The following CRTAM variants were observed in gnomAD, a reference collection of about 807,000 sequenced individuals.
CRTAM encodes the protein cytotoxic and regulatory T-cell molecule.
A neutral mutation model predicts 50.0 loss-of-function variants in CRTAM; 44 were observed. The observed-to-expected ratio is 0.88, with a 90% CI of 0.69 to 1.13. The LOEUF (loss-of-function observed/expected upper bound fraction) is 1.13, where lower values mean the gene tolerates loss of function less well. Ranked by LOEUF, CRTAM falls within the 50% of genes most tolerant of loss-of-function variation. CRTAM has a pLI of 0.00. For synonymous variants in CRTAM, 159 were observed against 169.3 expected, an observed-to-expected ratio of 0.94 and a Z score of 0.47; for missense variants, 448 against 457.5, an observed-to-expected ratio of 0.98 and a Z score of 0.19.
Position 122,861,386 on chromosome 11 carries a change from GTATATATATATATATATATATA to G in CRTAM, c.653-1064_653-1043del, listed in dbSNP as rs71057304. On this transcript the variant is annotated intron_variant, in intron 5 of 9. Coordinates refer to ENST00000227348, the MANE Select transcript of CRTAM (RefSeq NM_019604.4). ...TACACACACACACACATACATATAC[GTATATATATATATATATATATA>G]TATATATATATATTTTTTTTTTTTT... 2.4e-4 allele frequency among the ~76,000 whole-genome samples: 10 copies of G among 41,822 alleles called. No individual in the cohort carries two copies. The East Asian group carries it at 5.1e-3, about 21-fold the overall frequency. 27.4% of individuals were successfully genotyped at this position (41,822 alleles called of 152,430 possible). A position where few individuals can be genotyped will look rare whatever the true frequency, so the allele number is the denominator to read the frequency against.
chr11:122,853,674 T>A (rs973073882), intron 3 of CRTAM, among the ~76,000 whole-genome samples: 5 of 151,590 alleles, frequency 3.3e-5, no homozygotes, highest in African/African-American at 9.7e-5. Flanking sequence ...AAAAATTAGC[T>A]GGGTGTGATG....
At chr11:122,858,475 C>T (rs952231365) in intron 5 of CRTAM, among the ~76,000 whole-genome samples, 1 of 152,174 alleles carries the variant, frequency 6.6e-6, no homozygotes, top group Non-Finnish European at 1.5e-5. Flanking sequence ...ATCCCTCAAC[C>T]TCTGCCTGCC....
chr11:122,867,031 A>T (rs1862185024), intron 7 of CRTAM, among the ~76,000 whole-genome samples: 1 of 152,172 alleles, frequency 6.6e-6, no homozygotes, highest in African/African-American at 2.4e-5. Flanking sequence ...CTCCTTAACA[A>T]TCCCTCTTGC....
At chr11:122,871,215 TG>T (rs1218493070) in intron 9 of CRTAM, 53 bp from the exon 10 acceptor site, 4 of 1,498,992 alleles carry the variant, frequency 2.7e-6, no homozygotes, top group Non-Finnish European at 3.6e-6. Context: ...TTCAAGTAAA[TG>T]GGTGCAATGT....
At chr11:122,847,356 G>A (rs1861878555) in intron 1 of CRTAM, among the ~76,000 whole-genome samples, 1 of 152,020 alleles carries the variant, frequency 6.6e-6, no homozygotes, top group African/African-American at 2.4e-5. Flanking sequence ...AAAGCCTAGG[G>A]GTCTATTGAC....
chr11:122,858,825 G>A (rs1406611710), intron 5 of CRTAM, among the ~76,000 whole-genome samples: 3 of 152,122 alleles, frequency 2.0e-5, no homozygotes, highest in African/African-American at 7.2e-5. Context: ...ACTGCACCTG[G>A]TTTATTTCAT....
At chr11:122,845,552 C>A (rs1318369725) in intron 1 of CRTAM, among the ~76,000 whole-genome samples, 2 of 151,954 alleles carry the variant, frequency 1.3e-5, no homozygotes, top group East Asian at 3.9e-4. Context: ...ACTAAAAATA[C>A]AAAAATTAGT....
intron 5 of CRTAM, among the ~76,000 whole-genome samples, chr11:122,857,012 G>A (rs1862015835): frequency 6.6e-6 from 1 of 151,932 alleles, no homozygotes; most frequent in African/African-American, 2.4e-5. Flanking sequence ...AGACATTCAG[G>A]TTCTTCAATA....
chr11:122,866,145 A>T (rs2140151), intron 7 of CRTAM, among the ~76,000 whole-genome samples: 1 of 151,946 alleles, frequency 6.6e-6, no homozygotes. Context: ...CTACTTCTGC[A>T]GTCTCATATC....
At chr11:122,849,145 G>A (rs189914350) in intron 1 of CRTAM, among the ~76,000 whole-genome samples, 3 of 152,244 alleles carry the variant, frequency 2.0e-5, no homozygotes, top group Admixed American at 2.0e-4. Context: ...TTGCCCTGAA[G>A]GGTAACTCCG....
intron 1 of CRTAM, among the ~76,000 whole-genome samples, chr11:122,838,924 A>T (rs1861765303): frequency 6.9e-6 from 1 of 144,366 alleles, no homozygotes; most frequent in Non-Finnish European, 1.5e-5. Flanking sequence ...ATTTTATTTT[A>T]TTTTATTTAT....
At chr11:122,845,887 A>G (rs1330985274) in intron 1 of CRTAM, among the ~76,000 whole-genome samples, 1 of 152,104 alleles carries the variant, frequency 6.6e-6, no homozygotes, top group Non-Finnish European at 1.5e-5. Context: ...ACAAAGTCTT[A>G]TTATGTTTCC....
chr11:122,867,015 T>C (rs1304630892), intron 7 of CRTAM, among the ~76,000 whole-genome samples: 1 of 152,244 alleles, frequency 6.6e-6, no homozygotes, highest in Non-Finnish European at 1.5e-5. Flanking sequence ...TGGATAGTTT[T>C]TTAAACTCCT....
At chr11:122,862,439 G>T (rs1264722102) in intron 5 of CRTAM, 25 bp from the exon 6 acceptor site, 1 of 1,495,830 alleles carries the variant, frequency 6.7e-7, no homozygotes, top group South Asian at 1.1e-5. Context: ...TATAGTAGCA[G>T]AATTTTGTTT....
intron 2 of CRTAM, among the ~76,000 whole-genome samples, chr11:122,850,801 A>C (rs1258757985): frequency 1.3e-5 from 2 of 152,256 alleles, no homozygotes; most frequent in Non-Finnish European, 2.9e-5. Context: ...GATGTCTGAG[A>C]TGGAAAAAGA....
intron 7 of CRTAM, among the ~76,000 whole-genome samples, chr11:122,866,447 C>G (rs1046213774): frequency 2.0e-5 from 3 of 152,190 alleles, no homozygotes; most frequent in East Asian, 1.9e-4. Context: ...TATATAGAGA[C>G]AGCTAATCCC....
chr11:122,867,824 A>G (rs1369819316), intron 8 of CRTAM, among the ~76,000 whole-genome samples, 189 bp from the exon 9 acceptor site: 1 of 152,198 alleles, frequency 6.6e-6, no homozygotes, highest in Admixed American at 6.5e-5. Context: ...AAGGATAAAA[A>G]TCCCAGGACT....
chr11:122,862,364 C>G, intron 5 of CRTAM, 100 bp from the exon 6 acceptor site: 1 of 774,632 alleles, frequency 1.3e-6, no homozygotes, highest in East Asian at 2.5e-5. Flanking sequence ...CCTCTACAAG[C>G]AGGTAGCCGC....
intron 9 of CRTAM, among the ~76,000 whole-genome samples, chr11:122,868,968 C>G (rs891672484): frequency 1.3e-5 from 2 of 152,088 alleles, no homozygotes; most frequent in Non-Finnish European, 2.9e-5. Context: ...GAGATCGTGC[C>G]ACTGCACTCC....
Sources: gnomAD v4.1 joint callset for allele counts (sites outside exome capture counted in the v4.1 genomes callset) on GRCh38, gnomAD v4.1.1 for gene constraint, MANE v1.5 for transcripts, NCBI Gene and HGNC (gene_info 2026-07-23, HGNC 2026-07-21) for gene names.